Variants in DSCAML1 observed in about 807,000 individuals in gnomAD.
The protein encoded by DSCAML1 is cell adhesion molecule DSCAML1.
A neutral mutation model predicts 200.5 loss-of-function variants in DSCAML1; 38 were observed. The ratio of observed to expected loss-of-function variants is 0.19; its 90% CI spans 0.15 to 0.25. The LOEUF (loss-of-function observed/expected upper bound fraction) is 0.25. DSCAML1 is among the 10% of genes least tolerant of loss of function. DSCAML1 has a pLI of 1.00. For missense variants in DSCAML1, 2,223 were observed against 2,858.8 expected (o/e 0.78, Z 5.07); for synonymous variants, 1,215 against 1,165.0 (o/e 1.04, Z -0.87).
intron 23 of DSCAML1, 76 bp downstream of exon 23, chr11:117,439,190 C>T: frequency 5.1e-6 from 8 of 1,563,930 alleles, no homozygotes; most frequent in Non-Finnish European, 7.0e-6. Flanking sequence ...ATTCGATGAC[C>T]CTCTCGCATG....
At chr11:117,662,389 T>C (rs2052873899) in intron 3 of DSCAML1, among the ~76,000 whole-genome samples, 1 of 152,214 alleles carries the variant, frequency 6.6e-6, no homozygotes, top group Non-Finnish European at 1.5e-5. Context: ...CTGTCATGTA[T>C]GAGAGGGAGC....
intron 3 of DSCAML1, among the ~76,000 whole-genome samples, chr11:117,607,192 T>C (rs993830529): frequency 6.6e-6 from 1 of 152,182 alleles, no homozygotes; most frequent in Non-Finnish European, 1.5e-5. Context: ...CCCTGTGGCC[T>C]TGTCTCCTGA....
At chr11:117,599,878 C>T (rs2051433193) in intron 3 of DSCAML1, among the ~76,000 whole-genome samples, 1 of 152,236 alleles carries the variant, frequency 6.6e-6, no homozygotes, top group African/African-American at 2.4e-5. Flanking sequence ...GCTGCCCTGA[C>T]TCCAGGAGTG....
intron 3 of DSCAML1, among the ~76,000 whole-genome samples, chr11:117,588,329 A>G (rs1056174078): frequency 6.6e-6 from 1 of 152,170 alleles, no homozygotes; most frequent in African/African-American, 2.4e-5. Context: ...GCTCTGGGAC[A>G]GAGGAGTCCC....
rs1359581070 is a variant in DSCAML1 at position 117,458,810 on chromosome 11, G to T, written c.3512C>A (p.Thr1171Asn). The T allele has an allele frequency of 6.2e-7, 1 of 1,614,008 alleles. No individual in the cohort carries two copies. The highest frequency in any genetic ancestry group is 1.1e-5 in the South Asian group (1 of 91,084). The change falls in exon 19 of 33, where the codon ACC becomes AAC. Residue 1171 changes from threonine to asparagine, a missense_variant. By Grantham distance (65) the Thr-to-Asn change is moderately conservative. Around this residue, in one of 7 missense-constraint regions of DSCAML1, gnomAD observed 438 missense variants for 629.7 expected, o/e 0.70. Coordinates refer to ENST00000651296, the MANE Select transcript of DSCAML1 (RefSeq NM_020693.4). Reference protein sequence around the residue: ...TNYSVQVLAYTQAGDGVRSSV... With the variant: ...TNYSVQVLAYNQAGDGVRSSV... Reference sequence around the variant, plus strand: ...GCTGCGTACGCCGTCCCCAGCCTGGGTGTAGGCCAGCACCTGGACGCTGTA... The same window carrying T: ...GCTGCGTACGCCGTCCCCAGCCTGGTTGTAGGCCAGCACCTGGACGCTGTA...
intron 20 of DSCAML1, among the ~76,000 whole-genome samples, chr11:117,447,409 A>G (rs909391247): frequency 6.6e-6 from 1 of 152,204 alleles, no homozygotes; most frequent in South Asian, 2.1e-4. Context: ...TGGTTTAATG[A>G]AACACCTCAA....
At position 117,480,414 on chromosome 11, in the gene DSCAML1, C is replaced by T. The variant is rs117990494; in HGVS notation, c.2785+29G>A. 1.8e-5 allele frequency: 29 copies of T among 1,611,428 alleles called. No homozygotes were observed. The highest frequency in any genetic ancestry group is 4.5e-5 in the East Asian group (2 of 44,812). On this transcript the variant is annotated intron_variant, in intron 14 of 32. Coordinates refer to ENST00000651296, the MANE Select transcript of DSCAML1 (RefSeq NM_020693.4). The surrounding 1 kb of genome is among the most constrained non-coding windows in gnomAD (Gnocchi z 4.1). ...TGGCACAAGGGGCCATGGCAGGCCA[C>T]GCTGTCACCCTCCTGGCCCAGCGCC...
At chr11:117,627,524 G>A (rs1190834407) in intron 3 of DSCAML1, among the ~76,000 whole-genome samples, 1 of 151,970 alleles carries the variant, frequency 6.6e-6, no homozygotes, top group Non-Finnish European at 1.5e-5. Flanking sequence ...GCCTTCCCCT[G>A]AGCCGCTGCA....
intron 3 of DSCAML1, among the ~76,000 whole-genome samples, chr11:117,565,995 C>G (rs183768362): frequency 1.2e-3 from 176 of 152,348 alleles, no homozygotes; most frequent in Admixed American, 3.7e-3. Context: ...GGCCTGAGGA[C>G]TGGTAGCCTA....
At chr11:117,492,172 T>A (rs144017290) in intron 11 of DSCAML1, among the ~76,000 whole-genome samples, 8 of 152,276 alleles carry the variant, frequency 5.3e-5, no homozygotes, top group Middle Eastern at 3.4e-3. Flanking sequence ...CAGGGCTGGA[T>A]GAGCCCTCCT....
intron 1 of DSCAML1, among the ~76,000 whole-genome samples, chr11:117,809,269 G>A (rs1357474513): frequency 6.6e-6 from 1 of 152,256 alleles, no homozygotes; most frequent in African/African-American, 2.4e-5. Flanking sequence ...GAGGCCAGCT[G>A]CCGCGTCTGC....
rs56805170 is a variant in DSCAML1 at position 117,486,911 on chromosome 11, C to CTTTTTTTTTTTTT, written c.2360-4762_2360-4750dup. ...GAAAAAAAAAAAGAATGTAAAATAC[C>CTTTTTTTTTTTTT]TTTTTTTTTTTTTTTTTTTTTTTTT... On this transcript the variant is annotated intron_variant, in intron 11 of 32. Transcript: ENST00000651296. Among the ~76,000 whole-genome samples the CTTTTTTTTTTTTT allele has an allele frequency of 1.5e-4, 12 of 79,622 alleles. 1 individual carries two copies. Among genetic ancestry groups the CTTTTTTTTTTTTT allele is most frequent in the Non-Finnish European group, 2.3e-4 (10 of 42,782 alleles). The allele number at this position is 79,622 out of a possible 152,430, so 52.2% of individuals were successfully genotyped here.
At position 117,498,364 on chromosome 11, in the gene DSCAML1, C is replaced by T. The variant is rs1167337136; in HGVS notation, c.2359+5481G>A. Among the ~76,000 whole-genome samples, 2 of 152,162 alleles carry T rather than the reference C, an allele frequency of 1.3e-5. No individual in the cohort carries two copies. The highest frequency in any genetic ancestry group is 2.9e-5 in the Non-Finnish European group (2 of 68,026). ...GGTCACGGCGGTGGCAGGGCCCATC[C>T]GTGGGAGGACAGTCTGTGGAGGAGC... On this transcript the variant is annotated intron_variant, in intron 11 of 32. Coordinates refer to ENST00000651296, the MANE Select transcript of DSCAML1 (RefSeq NM_020693.4). The surrounding 1 kb of genome is among the most constrained non-coding windows in gnomAD (Gnocchi z 4.0).
At chr11:117,684,435 T>TAAAAAAAAAA (rs149958154) in intron 3 of DSCAML1, among the ~76,000 whole-genome samples, 902 of 73,864 alleles carry the variant, frequency 0.012, no homozygotes, top group Non-Finnish European at 0.018. Context: ...TTTCATTAAC[T>TAAAAAAAAAA]AAAAAAAAAA....
At chr11:117,592,627 C>T (rs1352720466) in intron 3 of DSCAML1, among the ~76,000 whole-genome samples, 1 of 152,236 alleles carries the variant, frequency 6.6e-6, no homozygotes, top group South Asian at 2.1e-4. Context: ...AATAGTTACA[C>T]ACCCTTCGTT....
chr11:117,777,718 C>G (rs1304175244), intron 2 of DSCAML1, among the ~76,000 whole-genome samples: 1 of 152,144 alleles, frequency 6.6e-6, no homozygotes, highest in Non-Finnish European at 1.5e-5. Flanking sequence ...AGAACCATCC[C>G]TTCCCCCACC....
intron 3 of DSCAML1, among the ~76,000 whole-genome samples, chr11:117,746,146 C>T (rs768379395): frequency 2.3e-5 from 3 of 127,682 alleles, no homozygotes; most frequent in Non-Finnish European, 4.7e-5. Flanking sequence ...GGCGTGAACC[C>T]GGGAGGCGGA....
At position 117,516,264 on chromosome 11, in the gene DSCAML1, G is replaced by A. The variant is rs570831545; in HGVS notation, c.1783+203C>T. The stretch of plus-strand genomic sequence containing the variant: ...TATTCTGCAGCCCGAGGAGGACCCC[G>A]GATGTAGAGGAGCTCATGGCCTGCG... On this transcript the variant is annotated intron_variant, in intron 8 of 32. Transcript: ENST00000651296. This position sits in a 1 kb window ranked among gnomAD's most constrained non-coding sequence, Gnocchi z 5.7. 1.6e-3 allele frequency among the ~76,000 whole-genome samples: 239 copies of A among 152,292 alleles called. No individual in the cohort carries two copies. Among genetic ancestry groups the A allele is most frequent in the Non-Finnish European group, 2.5e-3 (171 of 68,020 alleles).
intron 3 of DSCAML1, among the ~76,000 whole-genome samples, chr11:117,660,233 G>A (rs1404733549): frequency 6.6e-6 from 1 of 152,176 alleles, no homozygotes; most frequent in East Asian, 1.9e-4. Flanking sequence ...GCTCCAGGTG[G>A]GGAGAAGAAA....
Sources: gnomAD v4.1 joint callset for allele counts (sites outside exome capture counted in the v4.1 genomes callset) on GRCh38, gnomAD v4.1.1 for gene constraint, gnomAD v4.1.1 regional missense constraint, Gnocchi (gnomAD v3.1) non-coding constraint, MANE v1.5 for transcripts, NCBI Gene and HGNC (gene_info 2026-07-23, HGNC 2026-07-21) for gene names.